Variants in LRP6 observed in about 807,000 individuals in gnomAD.
LRP6 encodes LDL receptor related protein 6.
LRP6 carries 43 observed loss-of-function variants against 184.1 expected under a neutral mutation model. The ratio of observed to expected loss-of-function variants is 0.23; its 90% CI spans 0.18 to 0.30. The LOEUF (loss-of-function observed/expected upper bound fraction) is 0.30, where lower values mean the gene tolerates loss of function less well. Ranked by LOEUF, LRP6 falls within the 10% of genes least tolerant of loss-of-function variation. The probability of loss-of-function intolerance (pLI) is 1.00; values close to 1 mark genes in which losing one functional copy is unlikely to be tolerated. For missense variants in LRP6, 1,571 were observed against 2,005.3 expected (o/e 0.78, Z 4.14); for synonymous variants, 719 against 684.9 (o/e 1.05, Z -0.78).
chr12:12,131,171 G>A (rs889814996), intron 18 of LRP6, among the ~76,000 whole-genome samples: 3 of 141,262 alleles, frequency 2.1e-5, no homozygotes, highest in Non-Finnish European at 3.0e-5. Flanking sequence ...GCAGTGGCGC[G>A]ATATTGGCTC....
chr12:12,238,925 G>GT (rs1819048438), intron 2 of LRP6, among the ~76,000 whole-genome samples: 1 of 151,612 alleles, frequency 6.6e-6, no homozygotes, highest in African/African-American at 2.4e-5. Context: ...AATTCAACTC[G>GT]TAAAAAAAAC....
chr12:12,219,240 T>C (rs915714308), intron 2 of LRP6, among the ~76,000 whole-genome samples: 1 of 152,238 alleles, frequency 6.6e-6, no homozygotes, highest in African/African-American at 2.4e-5. Context: ...AGTCTCACTC[T>C]GTCGCCCAGG....
chr12:12,246,203 G>T (rs1387791784), intron 1 of LRP6, among the ~76,000 whole-genome samples: 1 of 151,424 alleles, frequency 6.6e-6, no homozygotes, highest in African/African-American at 2.4e-5. Flanking sequence ...GTGGGGTTTC[G>T]CCATGTTGAC....
At chr12:12,147,774 C>A (rs1195406247) in intron 14 of LRP6, among the ~76,000 whole-genome samples, 1 of 151,918 alleles carries the variant, frequency 6.6e-6, no homozygotes, top group Admixed American at 6.6e-5. Context: ...GAGTGAGAGA[C>A]CAGCTTGGGC....
rs934236812 is a variant in LRP6 at position 12,148,792 on chromosome 12, G to A, written c.3206+150C>T. On this transcript the variant is annotated intron_variant, in intron 14 of 22. Transcript: ENST00000261349. ...AAATCAGAGAAAGTGTAAGACAACT[G>A]TTAAGATAATGCAGAAACAAACTGA... 2.2e-5 allele frequency: 16 copies of A among 726,482 alleles called. No individual in the cohort carries two copies. The Middle Eastern group carries it at 1.1e-3, about 51-fold the overall frequency. 45.0% of individuals were successfully genotyped at this position (726,482 alleles called of 1,614,324 possible). A position where few individuals can be genotyped will look rare whatever the true frequency, so the allele number is the denominator to read the frequency against.
rs147575944 is a variant in LRP6 at position 12,148,924 on chromosome 12, G to C, written c.3206+18C>G. On this transcript the variant is annotated intron_variant, in intron 14 of 22. Coordinates refer to ENST00000261349, the MANE Select transcript of LRP6 (RefSeq NM_002336.3). ...GTCTCAGAAGCCACAGTATCTGAAC[G>C]CCACTTTAGTAACATACCCTTTCTC... is the stretch of plus-strand genomic sequence containing the variant. 1 of 1,594,438 alleles carries C rather than the reference G, an allele frequency of 6.3e-7. No homozygotes were observed. Among genetic ancestry groups the C allele is most frequent in the East Asian group, 2.2e-5 (1 of 44,786 alleles).
intron 2 of LRP6, among the ~76,000 whole-genome samples, chr12:12,206,640 G>A (rs1426377465): frequency 6.6e-6 from 1 of 152,028 alleles, no homozygotes; most frequent in Non-Finnish European, 1.5e-5. Flanking sequence ...CAGGTACGGT[G>A]ACTCATGCTG....
At chr12:12,205,744 C>T (rs1248050217) in intron 2 of LRP6, among the ~76,000 whole-genome samples, 1 of 152,238 alleles carries the variant, frequency 6.6e-6, no homozygotes, top group Non-Finnish European at 1.5e-5. Context: ...TTCAAACCTA[C>T]ATCTCTTAAA....
intron 3 of LRP6, among the ~76,000 whole-genome samples, chr12:12,193,312 T>C (rs1863665222): frequency 6.8e-6 from 1 of 148,024 alleles, no homozygotes; most frequent in Admixed American, 6.7e-5. Flanking sequence ...CTTAAGAAAC[T>C]GTAAGAAGAG....
chr12:12,197,129 A>T (rs1565632950), intron 3 of LRP6, among the ~76,000 whole-genome samples: 1 of 152,164 alleles, frequency 6.6e-6, no homozygotes, highest in Non-Finnish European at 1.5e-5. Flanking sequence ...TTCCTTTTTA[A>T]AATACCATTA....
intron 3 of LRP6, among the ~76,000 whole-genome samples, chr12:12,202,767 G>C (rs1325740243): frequency 6.6e-6 from 1 of 152,146 alleles, no homozygotes; most frequent in Non-Finnish European, 1.5e-5. Context: ...GGCTTTACTG[G>C]TAATTTTGAG....
intron 22 of LRP6, among the ~76,000 whole-genome samples, chr12:12,123,124 T>C (rs1422806794): frequency 6.6e-6 from 1 of 152,142 alleles, no homozygotes; most frequent in Non-Finnish European, 1.5e-5. Flanking sequence ...ATGATGTAAG[T>C]TTTGACTCAG....
At chr12:12,217,181 T>C (rs1864370165) in intron 2 of LRP6, among the ~76,000 whole-genome samples, 1 of 152,158 alleles carries the variant, frequency 6.6e-6, no homozygotes, top group African/African-American at 2.4e-5. Context: ...TCCCTATCGT[T>C]CATATTACTG....
At chr12:12,155,447 AG>A in intron 12 of LRP6, 1 of 960,308 alleles carries the variant, frequency 1.0e-6, no homozygotes, top group Non-Finnish European at 1.7e-6. Context: ...CAAAACTGGA[AG>A]GGTCTACAAT....
rs1189442206 is a variant in LRP6 at position 12,234,374 on chromosome 12, C to T, written c.449+9888G>A. Among the ~76,000 whole-genome samples the T allele has an allele frequency of 5.3e-5, 8 of 151,826 alleles. No homozygotes were observed. In the East Asian group the frequency reaches 9.6e-4, roughly 18 times the overall value. On this transcript the variant is annotated intron_variant, in intron 2 of 22. Coordinates refer to ENST00000261349, the MANE Select transcript of LRP6 (RefSeq NM_002336.3). The stretch of plus-strand genomic sequence containing the variant: ...CTGAGGCCAAAGAATCACTTGGACC[C>T]GGAAGGCGGAGGTTGCAGTGAGCCC...
In LRP6 at chr12:12,116,908, A is replaced by C. The variant is rs1021294496; in HGVS notation, c.*4218T>G. The C allele has an allele frequency of 2.0e-5, 3 of 152,238 alleles. No individual in the cohort carries two copies. The highest frequency in any genetic ancestry group is 2.9e-5 in the Non-Finnish European group (2 of 68,042). The allele number at this position is 152,238 out of a possible 1,614,324, so 9.4% of individuals were successfully genotyped here. A position where few individuals can be genotyped will look rare whatever the true frequency, so the allele number is the denominator to read the frequency against. The stretch of plus-strand genomic sequence containing the variant: ...CAGGTACAGGCTTTATGAGACGTAG[A>C]TCAAGTCAGACAATAGCCTGAGAGT... On this transcript the variant is annotated 3_prime_UTR_variant, in exon 23 of 23. Coordinates refer to ENST00000261349, the MANE Select transcript of LRP6 (RefSeq NM_002336.3).
chr12:12,188,741 C>A (rs868739101), intron 3 of LRP6, among the ~76,000 whole-genome samples: 3 of 152,270 alleles, frequency 2.0e-5, no homozygotes, highest in Middle Eastern at 3.4e-3. Flanking sequence ...TGTCACAATA[C>A]CTTCTCCTGA....
chr12:12,134,987 T>C (rs1256088184), intron 17 of LRP6, among the ~76,000 whole-genome samples, 188 bp downstream of exon 17: 4 of 152,080 alleles, frequency 2.6e-5, no homozygotes, highest in Non-Finnish European at 5.9e-5. Flanking sequence ...AAAATGATGA[T>C]TATGAGGCTG....
At chr12:12,125,995 C>A (rs971784204) in intron 20 of LRP6, among the ~76,000 whole-genome samples, 2 of 152,056 alleles carry the variant, frequency 1.3e-5, no homozygotes, top group African/African-American at 4.8e-5. Context: ...GTTTAAAAAC[C>A]ATGTTTGTCT....
Sources: gnomAD v4.1 joint callset for allele counts (sites outside exome capture counted in the v4.1 genomes callset) on GRCh38, gnomAD v4.1.1 for gene constraint, MANE v1.5 for transcripts, NCBI Gene and HGNC (gene_info 2026-07-23, HGNC 2026-07-21) for gene names.